The following PAX7 variants were observed in gnomAD, a reference collection of about 807,000 sequenced individuals.
The protein encoded by PAX7 is paired box protein Pax-7.
A neutral mutation model predicts 50.7 loss-of-function variants in PAX7; 18 were observed. The ratio of observed to expected loss-of-function variants is 0.36; its 90% CI spans 0.25 to 0.53. PAX7 has a LOEUF of 0.53. Among genes scored for constraint, PAX7 ranks in the 20% least tolerant of loss-of-function variants. PAX7 has a pLI of 0.93. For synonymous variants in PAX7, 310 were observed against 290.4 expected (o/e 1.07, Z -0.69); for missense variants, 644 against 702.9 (o/e 0.92, Z 0.95).
intron 4 of PAX7, among the ~76,000 whole-genome samples, chr1:18,659,513 C>A (rs562280923): frequency 1.3e-5 from 2 of 152,262 alleles, no homozygotes; most frequent in South Asian, 4.1e-4. Context: ...TCCACCCATG[C>A]CATTTACCTT....
intron 5 of PAX7, among the ~76,000 whole-genome samples, chr1:18,696,366 C>CATG (rs60083438): frequency 0.057 from 8,637 of 152,094 alleles, 420 homozygotes; most frequent in East Asian, 0.25. Flanking sequence ...TGCACCCAGC[C>CATG]TTCATGGTGC....
At chr1:18,686,332 T>C (rs1288673102) in intron 4 of PAX7, among the ~76,000 whole-genome samples, 1 of 152,216 alleles carries the variant, frequency 6.6e-6, no homozygotes, top group Non-Finnish European at 1.5e-5. Flanking sequence ...TCTCTCCCTG[T>C]ATCCTTCTCT....
chr1:18,693,927 G>A (rs1489700291), intron 5 of PAX7, among the ~76,000 whole-genome samples: 7 of 152,210 alleles, frequency 4.6e-5, no homozygotes, highest in Non-Finnish European at 7.4e-5. Context: ...ACGGAGGGAG[G>A]GGGTCTGGGA....
intron 4 of PAX7, among the ~76,000 whole-genome samples, chr1:18,670,377 G>A (rs1483066488): frequency 2.6e-5 from 4 of 152,110 alleles, no homozygotes; most frequent in Non-Finnish European, 5.9e-5. Context: ...AGCATTGCAG[G>A]GCAGGATGGA....
chr1:18,735,693 T>C lies in PAX7; in HGVS notation c.1217T>C (p.Ile406Thr). The part of the protein sequence containing the change: ...VPPQPQADFS[I>T]SPLHGGLDSA... ...CCGCAGCCACAGGCTGACTTCTCCA[T>C]CTCCCCGCTGCATGGCGGCCTGGAC... is the stretch of plus-strand genomic sequence containing the variant. The change falls in exon 8 of 9, where the codon ATC (isoleucine) becomes ACC (threonine). Residue 406 changes from isoleucine to threonine, a missense_variant. Physicochemically the swap from Ile to Thr is moderately conservative, Grantham distance 89 (BLOSUM62 -1). Coordinates refer to ENST00000420770, the MANE Select transcript of PAX7 (RefSeq NM_001135254.2). The surrounding 1 kb of genome is among the most constrained non-coding windows in gnomAD (Gnocchi z 4.0). 1 of 1,613,936 alleles carries C rather than the reference T, an allele frequency of 6.2e-7. No homozygotes were observed.
In PAX7 at chr1:18,711,757, C is replaced by G. The variant is rs1040940798; in HGVS notation, c.1155+8461C>G. Among the ~76,000 whole-genome samples, 3 of 152,032 alleles carry G rather than the reference C, an allele frequency of 2.0e-5. No homozygotes were observed. The East Asian group carries it at 5.9e-4, about 30-fold the overall frequency. ...CACCCTCCAACACACATCCCCACAC[C>G]CCTGTTTCTCTTTCTCTTCATGACC... On this transcript the variant is annotated intron_variant, in intron 7 of 8. Transcript: ENST00000420770.
intron 4 of PAX7, among the ~76,000 whole-genome samples, chr1:18,665,416 A>G (rs1322602016): frequency 6.6e-6 from 1 of 152,050 alleles, no homozygotes; most frequent in Non-Finnish European, 1.5e-5. Flanking sequence ...TCACTCTGTC[A>G]CCAGGCTGGA....
chr1:18,670,159 C>G (rs2088723160), intron 4 of PAX7, among the ~76,000 whole-genome samples: 1 of 151,464 alleles, frequency 6.6e-6, no homozygotes, highest in African/African-American at 2.4e-5. Flanking sequence ...GAAATTATCA[C>G]TGATGAGGAT....
intron 5 of PAX7, among the ~76,000 whole-genome samples, chr1:18,695,220 GA>G (rs57007592): frequency 0.07 from 8,544 of 122,570 alleles, 421 homozygotes; most frequent in East Asian, 0.31. Context: ...AAAAAAAAAA[GA>G]AAAAAAAAGA....
intron 8 of PAX7, among the ~76,000 whole-genome samples, chr1:18,743,658 C>T (rs979531262): frequency 5.9e-5 from 9 of 152,254 alleles, no homozygotes; most frequent in Admixed American, 4.6e-4. Flanking sequence ...GGCCACACCC[C>T]AGCCAAATCA....
chr1:18,708,614 C>G (rs527349875), intron 7 of PAX7, among the ~76,000 whole-genome samples: 1 of 152,128 alleles, frequency 6.6e-6, no homozygotes, highest in East Asian at 1.9e-4. Flanking sequence ...CCTTTTGTAA[C>G]GCAAATGACT....
intron 7 of PAX7, among the ~76,000 whole-genome samples, chr1:18,724,286 G>T (rs1287074580): frequency 6.6e-6 from 1 of 152,254 alleles, no homozygotes; most frequent in Non-Finnish European, 1.5e-5. Context: ...GCTCACTGGG[G>T]CACAGGCCAG....
At chr1:18,657,265 G>A (rs1570132025) in intron 4 of PAX7, among the ~76,000 whole-genome samples, 1 of 152,124 alleles carries the variant, frequency 6.6e-6, no homozygotes, top group East Asian at 1.9e-4. Flanking sequence ...TGGGCTCCCA[G>A]GAGAGGGGCT....
intron 7 of PAX7, among the ~76,000 whole-genome samples, chr1:18,722,661 G>C (rs563167479): frequency 6.6e-6 from 1 of 152,288 alleles, no homozygotes; most frequent in East Asian, 1.9e-4. Context: ...TGGAAGGGCT[G>C]TCTCTGTTCC....
chr1:18,687,258 A>T (rs2088990797), intron 4 of PAX7, among the ~76,000 whole-genome samples: 1 of 152,040 alleles, frequency 6.6e-6, no homozygotes, highest in African/African-American at 2.4e-5. Context: ...GTGTATTGTT[A>T]TCTTCATTTT....
chr1:18,669,435 T>C (rs2100231478), intron 4 of PAX7, among the ~76,000 whole-genome samples: 1 of 152,252 alleles, frequency 6.6e-6, no homozygotes, highest in East Asian at 1.9e-4. Flanking sequence ...CCCTTACTGA[T>C]AAACCCCTAG....
chr1:18,673,730 G>A lies in PAX7; in HGVS notation c.587-18024G>A, dbSNP rs116792342. On this transcript the variant is annotated intron_variant, in intron 4 of 8. Transcript: ENST00000420770. ...TCAGGAACCCATTCCAAAGATGTCCGACCCTTTGCAGTGAGATACTCAAAC... is the reference window on the plus strand; with the variant it reads ...TCAGGAACCCATTCCAAAGATGTCCAACCCTTTGCAGTGAGATACTCAAAC... Among the ~76,000 whole-genome samples, 922 of 152,268 alleles carry A rather than the reference G, an allele frequency of 6.1e-3. 5 individuals are homozygous for A. Among genetic ancestry groups the A allele is most frequent in the Admixed American group, 8.1e-3 (124 of 15,300 alleles).
In PAX7 at chr1:18,700,909, A is replaced by C; in HGVS notation, c.952+91A>C. On this transcript the variant is annotated intron_variant, in intron 6 of 8. Transcript: ENST00000420770. This position sits in a 1 kb window ranked among gnomAD's most constrained non-coding sequence, Gnocchi z 4.8. ...TACAAAGGCTCTTCTTTTTTTTATGACCATTTCTTACTTTCATGTAAGCAG... is the reference window on the plus strand; with the variant it reads ...TACAAAGGCTCTTCTTTTTTTTATGCCCATTTCTTACTTTCATGTAAGCAG... The C allele has an allele frequency of 1.7e-6, 2 of 1,171,352 alleles. No individual in the cohort carries two copies. Among genetic ancestry groups the C allele is most frequent in the Non-Finnish European group, 1.1e-6 (1 of 883,646 alleles). 72.6% of individuals were successfully genotyped at this position (1,171,352 alleles called of 1,614,324 possible). A position where few individuals can be genotyped will look rare whatever the true frequency, so the allele number is the denominator to read the frequency against.
chr1:18,733,557 T>C (rs2089673523), intron 7 of PAX7, among the ~76,000 whole-genome samples: 1 of 152,112 alleles, frequency 6.6e-6, no homozygotes, highest in East Asian at 1.9e-4. Flanking sequence ...CTCTGAGCTC[T>C]GGTTCTGGGG....
Sources: gnomAD v4.1 joint callset for allele counts (sites outside exome capture counted in the v4.1 genomes callset) on GRCh38, gnomAD v4.1.1 for gene constraint, Gnocchi (gnomAD v3.1) non-coding constraint, MANE v1.5 for transcripts, NCBI Gene and HGNC (gene_info 2026-07-23, HGNC 2026-07-21) for gene names.